The following KAZN variants were observed in gnomAD, a reference collection of about 807,000 sequenced individuals.
KAZN encodes the protein kazrin.
KAZN carries 40 observed loss-of-function variants against 87.4 expected under a neutral mutation model. The ratio of observed to expected loss-of-function variants is 0.46; its 90% CI spans 0.36 to 0.60. The LOEUF (loss-of-function observed/expected upper bound fraction) is 0.60. Ranked by LOEUF, KAZN falls within the 20% of genes least tolerant of loss-of-function variation. The probability of loss-of-function intolerance (pLI) is 0.00; values close to 1 mark genes in which losing one functional copy is unlikely to be tolerated. For synonymous variants in KAZN, 466 were observed against 458.3 expected, an observed-to-expected ratio of 1.02 and a Z score of -0.22; for missense variants, 898 against 1,073.9, an observed-to-expected ratio of 0.84 and a Z score of 2.29.
intron 1 of KAZN, among the ~76,000 whole-genome samples, chr1:14,811,260 A>G (rs1229379401): frequency 3.3e-5 from 5 of 152,184 alleles, no homozygotes; most frequent in Admixed American, 6.5e-5. Flanking sequence ...ATGTGTTTAT[A>G]TAACACAGTT....
chr1:14,042,031 T>C (rs972323774), intron 1 of KAZN, among the ~76,000 whole-genome samples: 2 of 152,166 alleles, frequency 1.3e-5, no homozygotes, highest in African/African-American at 4.8e-5. Context: ...TGGGTCTTAG[T>C]GTGGGTTGGG....
intron 2 of KAZN, among the ~76,000 whole-genome samples, chr1:14,514,364 T>TATATATA: frequency 5.9e-5 from 1 of 16,894 alleles, no homozygotes; most frequent in African/African-American, 2.5e-4. Flanking sequence ...TATATATATA[T>TATATATA]TTATATATAT....
In KAZN at chr1:14,949,942, A is replaced by G. The variant is rs987004087; in HGVS notation, c.227-10742A>G. On this transcript the variant is annotated intron_variant, in intron 1 of 14. Coordinates refer to ENST00000376030, the MANE Select transcript of KAZN (RefSeq NM_201628.3). This position sits in a 1 kb window ranked among gnomAD's most constrained non-coding sequence, Gnocchi z 4.3. Reference sequence around the variant, plus strand: ...TCAGGGCACCGAGGAGGGTCTGGCTAAAGGTGTGTTTACAGGCCAGCGGCT... The same window carrying G: ...TCAGGGCACCGAGGAGGGTCTGGCTGAAGGTGTGTTTACAGGCCAGCGGCT... 2.0e-5 allele frequency among the ~76,000 whole-genome samples: 3 copies of G among 152,072 alleles called. No homozygotes were observed. Among genetic ancestry groups the G allele is most frequent in the South Asian group, 2.1e-4 (1 of 4,820 alleles).
chr1:14,860,277 C>T (rs1225494529), intron 1 of KAZN, among the ~76,000 whole-genome samples: 2 of 152,140 alleles, frequency 1.3e-5, no homozygotes, highest in East Asian at 3.9e-4. Context: ...CTGCAACCTC[C>T]ACCTCCCAGG....
chr1:14,063,207 A>G (rs1642863068), intron 1 of KAZN, among the ~76,000 whole-genome samples: 1 of 152,216 alleles, frequency 6.6e-6, no homozygotes, highest in Non-Finnish European at 1.5e-5. Flanking sequence ...AACATTATTG[A>G]TGCCCTATGG....
intron 2 of KAZN, among the ~76,000 whole-genome samples, chr1:14,331,151 T>G (rs1656830054): frequency 1.3e-5 from 2 of 152,144 alleles, no homozygotes; most frequent in African/African-American, 4.8e-5. Context: ...TGGCCCCTTT[T>G]ACCTCTGCTG....
chr1:15,016,922 A>G (rs931238148), intron 2 of KAZN, among the ~76,000 whole-genome samples: 1 of 152,016 alleles, frequency 6.6e-6, no homozygotes, highest in African/African-American at 2.4e-5. Context: ...TATTTAAATA[A>G]TTGCATTTAA....
chr1:14,530,115 C>T (rs1490710600), intron 2 of KAZN, among the ~76,000 whole-genome samples: 3 of 152,144 alleles, frequency 2.0e-5, no homozygotes, highest in African/African-American at 7.2e-5. Context: ...TGATCCTGAA[C>T]GGAAACCAGC....
At chr1:15,088,416 G>C (rs55662174) in intron 8 of KAZN, among the ~76,000 whole-genome samples, 20,242 of 152,026 alleles carry the variant, frequency 0.13, 1,909 homozygotes, top group East Asian at 0.54. Context: ...GGGGTGGGTG[G>C]AAGGATGCAC....
rs563489139 is a variant in KAZN at position 14,356,171 on chromosome 1, C to A, written c.249+175579C>A. 3.3e-3 allele frequency among the ~76,000 whole-genome samples: 505 copies of A among 152,272 alleles called. 2 individuals carry two copies. Among genetic ancestry groups the A allele is most frequent in the African/African-American group, 0.011 (476 of 41,560 alleles). On this transcript the variant is annotated intron_variant, in intron 2 of 16. Coordinates refer to the KAZN transcript ENST00000636203. ...ACTGTGGTTTTGTTTGCATTTCTCT[C>A]ATGACCAGTGATGACGAGCTTTTTT...
chr1:14,107,893 C>T (rs555730003), intron 1 of KAZN, among the ~76,000 whole-genome samples: 10 of 152,170 alleles, frequency 6.6e-5, no homozygotes, highest in Non-Finnish European at 1.3e-4. Flanking sequence ...CCCACCTTGT[C>T]ACACTCCAGC....
intron 2 of KAZN, among the ~76,000 whole-genome samples, chr1:14,192,651 A>G (rs1557550070): frequency 6.6e-6 from 1 of 152,236 alleles, no homozygotes; most frequent in Non-Finnish European, 1.5e-5. Context: ...TGACTTTTAA[A>G]TATATTTTCA....
rs1395475265 is a variant in KAZN, at chr1:14,350,076, G to A, written c.249+169484G>A. 2.0e-5 allele frequency among the ~76,000 whole-genome samples: 3 copies of A among 149,240 alleles called. No homozygotes were observed. In the East Asian group the frequency reaches 6.0e-4, roughly 30 times the overall value. The stretch of plus-strand genomic sequence containing the variant: ...GTGAACCTGGGAGGCGGAGCTTGCA[G>A]TGAGCTGAGATCGCGCCACTGCACT... On this transcript the variant is annotated intron_variant, in intron 2 of 16. Coordinates refer to the KAZN transcript ENST00000636203.
intron 1 of KAZN, among the ~76,000 whole-genome samples, chr1:14,676,590 T>C (rs140309076): frequency 9.9e-5 from 15 of 152,256 alleles, no homozygotes; most frequent in African/African-American, 2.9e-4. Flanking sequence ...ATGTGGTATA[T>C]CCATACAACG....
rs143887770 is a variant in KAZN, at chr1:14,371,828, G to A, written c.249+191236G>A. On this transcript the variant is annotated intron_variant, in intron 2 of 16. Coordinates refer to the KAZN transcript ENST00000636203. ...GAAACAGGAGAATTATCTTTGAGAG[G>A]CAAGGCAGGGATGCACTCCTCATGA... Among the ~76,000 whole-genome samples, 11 of 152,280 alleles carry A rather than the reference G, an allele frequency of 7.2e-5. No homozygotes were observed. The East Asian group carries it at 2.1e-3, about 29-fold the overall frequency.
chr1:14,935,631 G>A (rs1325080705), intron 1 of KAZN, among the ~76,000 whole-genome samples: 2 of 152,150 alleles, frequency 1.3e-5, no homozygotes, highest in Non-Finnish European at 2.9e-5. Flanking sequence ...ACTGAGCAAG[G>A]TGGCTCTAGA....
intron 2 of KAZN, among the ~76,000 whole-genome samples, chr1:14,292,659 G>A (rs1653802661): frequency 6.6e-6 from 1 of 152,180 alleles, no homozygotes; most frequent in Admixed American, 6.5e-5. Context: ...AGGCCCAGCT[G>A]GCAGGCTCTG....
At chr1:14,904,253 C>A (rs768834576) in intron 1 of KAZN, among the ~76,000 whole-genome samples, 1 of 144,846 alleles carries the variant, frequency 6.9e-6, no homozygotes, top group Non-Finnish European at 1.5e-5. Flanking sequence ...TGCAGTGAGC[C>A]GAGATAGCGC....
intron 1 of KAZN, among the ~76,000 whole-genome samples, chr1:14,630,351 TGGGGC>T (rs2148657978): frequency 1.3e-5 from 2 of 152,248 alleles, no homozygotes; most frequent in African/African-American, 4.8e-5. Flanking sequence ...TTGTTCAAGC[TGGGGC>T]CTTTCAGCAA....
Sources: allele counts gnomAD v4.1 joint callset (sites outside exome capture counted in the v4.1 genomes callset), GRCh38; gene constraint gnomAD v4.1.1; non-coding constraint Gnocchi (gnomAD v3.1); transcripts MANE v1.5; gene names NCBI Gene and HGNC (gene_info 2026-07-23, HGNC 2026-07-21).